DAG1: variants seen among roughly 807,000 people sequenced by gnomAD.
DAG1 encodes the protein dystroglycan 1 (dystrophin-associated glycoprotein 1).
DAG1 carries 8 observed loss-of-function variants against 46.1 expected under a neutral mutation model. The observed-to-expected ratio is 0.17, with a 90% CI of 0.10 to 0.31. The LOEUF (loss-of-function observed/expected upper bound fraction) is 0.31, where lower values mean the gene tolerates loss of function less well. Ranked by LOEUF, DAG1 falls within the 10% of genes least tolerant of loss-of-function variation. DAG1 has a pLI of 1.00. For synonymous variants in DAG1, 495 were observed against 481.8 expected (o/e 1.03, Z -0.36); for missense variants, 1,003 against 1,189.9 (o/e 0.84, Z 2.31).
At chr3:49,480,267 CTT>C (rs1043834393) in intron 1 of DAG1, among the ~76,000 whole-genome samples, 5 of 100,040 alleles carry the variant, frequency 5.0e-5, no homozygotes, top group Admixed American at 1.2e-4. Context: ...TATAACATTT[CTT>C]TTTTTTTTTT....
At chr3:49,485,775 C>T (rs2050009868) in intron 1 of DAG1, among the ~76,000 whole-genome samples, 1 of 150,726 alleles carries the variant, frequency 6.6e-6, no homozygotes, top group South Asian at 2.1e-4. Context: ...ATCCTCCTGC[C>T]TCAGCCTTCT....
intron 2 of DAG1, among the ~76,000 whole-genome samples, chr3:49,525,856 C>G (rs1367446824): frequency 6.8e-6 from 1 of 148,140 alleles, no homozygotes; most frequent in East Asian, 2.0e-4. Context: ...CCGCGCTCGG[C>G]CTTTTTTTTT....
rs139256602 is a variant in DAG1 at position 49,478,646 on chromosome 3, G to A, written c.-117+8213G>A. Among the ~76,000 whole-genome samples the A allele has an allele frequency of 7.0e-3, 1,040 of 149,488 alleles. 4 individuals are homozygous for A. Among genetic ancestry groups the A allele is most frequent in the Middle Eastern group, 0.034 (10 of 292 alleles). ...ATCTGCCTGAGCCTCACAAACTGCTGGATTACAGATGTGAGCCACTGGGCC... is the reference window on the plus strand; with the variant it reads ...ATCTGCCTGAGCCTCACAAACTGCTAGATTACAGATGTGAGCCACTGGGCC... On this transcript the variant is annotated intron_variant, in intron 1 of 2. Transcript: ENST00000308775.
At chr3:49,509,406 C>G (rs1390545481) in intron 1 of DAG1, among the ~76,000 whole-genome samples, 2 of 152,192 alleles carry the variant, frequency 1.3e-5, no homozygotes, top group African/African-American at 4.8e-5. Flanking sequence ...GAGCAAGAAC[C>G]TTCTCTGTCC....
At chr3:49,528,272 G>T (rs1341881746) in intron 2 of DAG1, among the ~76,000 whole-genome samples, 3 of 78,384 alleles carry the variant, frequency 3.8e-5, no homozygotes, top group Non-Finnish European at 5.2e-5. Flanking sequence ...TTGAAATAGT[G>T]TGATTTTTTT....
intron 2 of DAG1, among the ~76,000 whole-genome samples, chr3:49,520,742 A>G (rs1250413820): frequency 1.3e-5 from 2 of 152,194 alleles, no homozygotes; most frequent in Non-Finnish European, 2.9e-5. Flanking sequence ...GTGAGAAGGA[A>G]TGCTCACCAA....
chr3:49,510,604 G>C lies in DAG1; in HGVS notation c.70G>C (p.Val24Leu). 1 of 1,614,104 alleles carries C rather than the reference G, an allele frequency of 6.2e-7. No homozygotes were observed. The highest frequency in any genetic ancestry group is 8.5e-7 in the Non-Finnish European group (1 of 1,180,020). Reference protein sequence around the residue: ...SGRTFLLLLSVVMAQSHWPSE... With the variant: ...SGRTFLLLLSLVMAQSHWPSE... ...GAGGACCTTTCTCCTCCTGCTCTCTGTGGTTATGGCTCAGTCCCACTGGCC... is the reference window on the plus strand; with the variant it reads ...GAGGACCTTTCTCCTCCTGCTCTCTCTGGTTATGGCTCAGTCCCACTGGCC... The change falls in exon 2 of 3, where the codon GTG (valine) becomes CTG (leucine). Residue 24 changes from valine to leucine, a missense_variant. Physicochemically the swap from Val to Leu is conservative, Grantham distance 32. Transcript: ENST00000308775.
chr3:49,486,969 A>G (rs1371109505), intron 1 of DAG1, among the ~76,000 whole-genome samples: 1 of 151,890 alleles, frequency 6.6e-6, no homozygotes, highest in Non-Finnish European at 1.5e-5. Context: ...GGCTCACTGG[A>G]TCCTCTGCCT....
At position 49,531,260 on chromosome 3, in the gene DAG1, A is replaced by C; in HGVS notation, c.749A>C (p.Lys250Thr). The stretch of plus-strand genomic sequence containing the variant: ...ATGGCTGGCCCGGGAAATGCAAAAA[A>C]GGTGGTGGAGAATGGGGCCCTTCTC... ...AFMAGPGNAK[K>T]VVENGALLSW... The change falls in exon 3 of 3, where the codon AAG becomes ACG. Residue 250 changes from lysine (K) to threonine (T), a missense_variant. Physicochemically the swap from Lys to Thr is moderately conservative, Grantham distance 78. Around this residue, in one of 3 missense-constraint regions of DAG1, gnomAD observed 52 missense variants for 96.7 expected, o/e 0.54. Coordinates refer to ENST00000308775, the MANE Select transcript of DAG1 (RefSeq NM_004393.6). The surrounding 1 kb of genome is among the most constrained non-coding windows in gnomAD (Gnocchi z 7.0). 1 of 1,614,182 alleles carries C rather than the reference A, an allele frequency of 6.2e-7. No individual in the cohort carries two copies. The highest frequency in any genetic ancestry group is 8.5e-7 in the Non-Finnish European group (1 of 1,180,028).
At chr3:49,494,923 G>A (rs953512012) in intron 1 of DAG1, among the ~76,000 whole-genome samples, 10 of 152,036 alleles carry the variant, frequency 6.6e-5, no homozygotes, top group African/African-American at 1.4e-4. Flanking sequence ...GTGAGCCACC[G>A]GCGCTTGGCT....
chr3:49,486,987 T>A (rs566189080), intron 1 of DAG1, among the ~76,000 whole-genome samples: 1 of 152,256 alleles, frequency 6.6e-6, no homozygotes, highest in South Asian at 2.1e-4. Context: ...CCTCCCAGGT[T>A]GAAGTGATTT....
At chr3:49,476,185 A>G (rs188261365) in intron 1 of DAG1, among the ~76,000 whole-genome samples, 1 of 152,300 alleles carries the variant, frequency 6.6e-6, no homozygotes, top group Admixed American at 6.5e-5. Flanking sequence ...CTTAATTTAT[A>G]TTTATGTTTT....
At chr3:49,474,538 G>A (rs2049621839) in intron 1 of DAG1, among the ~76,000 whole-genome samples, 1 of 152,056 alleles carries the variant, frequency 6.6e-6, no homozygotes, top group Non-Finnish European at 1.5e-5. Flanking sequence ...TAGAGATGGG[G>A]TTTTGCCATG....
At chr3:49,497,124 C>T (rs950717909) in intron 1 of DAG1, among the ~76,000 whole-genome samples, 1 of 151,344 alleles carries the variant, frequency 6.6e-6, no homozygotes, top group Non-Finnish European at 1.5e-5. Context: ...CATAGTGAGA[C>T]CCTGTCTCTA....
chr3:49,535,108 T>C lies in DAG1; in HGVS notation c.*1909T>C, dbSNP rs574947510. 1.3e-5 allele frequency: 2 copies of C among 152,326 alleles called. No homozygotes were observed. The highest frequency in any genetic ancestry group is 4.1e-4 in the South Asian group (2 of 4,830). 9.4% of individuals were successfully genotyped at this position (152,326 alleles called of 1,614,324 possible). A position where few individuals can be genotyped will look rare whatever the true frequency, so the allele number is the denominator to read the frequency against. Reference sequence around the variant, plus strand: ...AGCAGTGCCCCTGTGGGGGAGCCTGTAAATGCGGGCTCAGTGGACCACTGG... The same window carrying C: ...AGCAGTGCCCCTGTGGGGGAGCCTGCAAATGCGGGCTCAGTGGACCACTGG... On this transcript the variant is annotated 3_prime_UTR_variant, in exon 3 of 3. Transcript: ENST00000308775.
At chr3:49,473,362 C>T (rs2049582358) in intron 1 of DAG1, among the ~76,000 whole-genome samples, 1 of 151,708 alleles carries the variant, frequency 6.6e-6, no homozygotes, top group African/African-American at 2.4e-5. Flanking sequence ...GCGGAGCTTG[C>T]AGTGAGCTGA....
chr3:49,513,002 A>G (rs1575389976), intron 2 of DAG1, among the ~76,000 whole-genome samples: 1 of 152,144 alleles, frequency 6.6e-6, no homozygotes, highest in African/African-American at 2.4e-5. Context: ...AGACTTCTAC[A>G]TACATTTAGT....
At chr3:49,504,898 A>C (rs1437419923) in intron 1 of DAG1, among the ~76,000 whole-genome samples, 5 of 142,178 alleles carry the variant, frequency 3.5e-5, no homozygotes, top group Admixed American at 2.9e-4. Flanking sequence ...GGTGTGAGCC[A>C]CTGTGCCCAG....
chr3:49,473,394 C>T (rs1202778615), intron 1 of DAG1, among the ~76,000 whole-genome samples: 1 of 151,992 alleles, frequency 6.6e-6, no homozygotes, highest in African/African-American at 2.4e-5. Context: ...TGCAGTCCGG[C>T]CTGGGCGACA....
Sources: gnomAD v4.1 joint callset for allele counts (sites outside exome capture counted in the v4.1 genomes callset) on GRCh38, gnomAD v4.1.1 for gene constraint, gnomAD v4.1.1 regional missense constraint, Gnocchi (gnomAD v3.1) non-coding constraint, MANE v1.5 for transcripts, NCBI Gene and HGNC (gene_info 2026-07-23, HGNC 2026-07-21) for gene names.